CENPK: variants seen among roughly 807,000 people sequenced by gnomAD.
CENPK encodes centromere protein K.
A neutral mutation model predicts 40.9 loss-of-function variants in CENPK; 46 were observed. That is an observed-to-expected ratio of 1.13 (90% confidence interval 0.89 to 1.44). CENPK has a LOEUF of 1.44. Among genes scored for constraint, CENPK ranks in the 40% most tolerant of loss-of-function variants. The pLI is 0.00. For synonymous variants in CENPK, 107 were observed against 104.4 expected (o/e 1.02, Z -0.15); for missense variants, 288 against 303.5 (o/e 0.95, Z 0.38).
chr5:65,528,288 T>G (rs1561631476), intron 9 of CENPK, among the ~76,000 whole-genome samples, 164 bp downstream of exon 9: 1 of 151,318 alleles, frequency 6.6e-6, no homozygotes, highest in East Asian at 1.9e-4. Flanking sequence ...TCCCATTTTA[T>G]TGAATAATTA....
In CENPK at chr5:65,518,699, T is replaced by C; in HGVS notation, c.652-66A>G. On this transcript the variant is annotated intron_variant, in intron 10 of 10. Transcript: ENST00000396679. ...AAAGTCAATATAGCTATAAGAAAGT[T>C]TTTTGTCAAAGAATATTGACCTCTT... The C allele has an allele frequency of 2.9e-6, 3 of 1,038,456 alleles. No homozygotes were observed. The Admixed American group carries it at 7.7e-5, about 27-fold the overall frequency. 64.3% of individuals were successfully genotyped at this position (1,038,456 alleles called of 1,614,324 possible). A position where few individuals can be genotyped will look rare whatever the true frequency, so the allele number is the denominator to read the frequency against.
At chr5:65,535,299 T>C (rs934517554) in intron 6 of CENPK, among the ~76,000 whole-genome samples, 2 of 152,104 alleles carry the variant, frequency 1.3e-5, no homozygotes, top group Non-Finnish European at 2.9e-5. Flanking sequence ...TCAGCAGACC[T>C]AGACTGCAAA....
At chr5:65,512,135 T>A in the CENPK span, among the ~76,000 whole-genome samples, 3 of 152,186 alleles carry the variant, frequency 2.0e-5, no homozygotes, top group Non-Finnish European at 4.4e-5. Context: ...TACAATCTCA[T>A]GATACAACTT....
the CENPK span, among the ~76,000 whole-genome samples, chr5:65,509,099 A>G: frequency 6.6e-6 from 1 of 152,190 alleles, no homozygotes; most frequent in African/African-American, 2.4e-5. Context: ...AAAGAATTCC[A>G]TTTGATACAC....
At chr5:65,552,838 TA>T (rs1561689417) in intron 3 of CENPK, among the ~76,000 whole-genome samples, 2 of 148,090 alleles carry the variant, frequency 1.4e-5, no homozygotes, top group African/African-American at 4.9e-5. Context: ...AAGTGGGAGA[TA>T]AAAAAATAAG....
intron 2 of CENPK, 103 bp from the exon 3 acceptor site, chr5:65,555,049 C>T: frequency 4.8e-6 from 3 of 622,286 alleles, no homozygotes; most frequent in South Asian, 4.1e-5. Context: ...ACAAAATAGA[C>T]AAAAATCCCT....
At chr5:65,502,782 T>A in the CENPK span, among the ~76,000 whole-genome samples, 2 of 151,742 alleles carry the variant, frequency 1.3e-5, no homozygotes, top group Non-Finnish European at 2.9e-5. Flanking sequence ...TTCTAACCAA[T>A]ATAAATTTTT....
At chr5:65,527,788 AT>A (rs1411586068) in intron 9 of CENPK, among the ~76,000 whole-genome samples, 1 of 152,034 alleles carries the variant, frequency 6.6e-6, no homozygotes, top group East Asian at 1.9e-4. Flanking sequence ...AGCACTATCA[AT>A]TTTTAAACAT....
chr5:65,562,818 G>A (rs750165657), intron 1 of CENPK: 71 of 153,696 alleles, frequency 4.6e-4, no homozygotes, highest in Non-Finnish European at 8.3e-4. Context: ...TCTTCAGAGA[G>A]TGTGTGAGAG....
downstream of CENPK, chr5:65,517,641 T>C (rs1742975033): frequency 6.6e-6 from 1 of 152,188 alleles, no homozygotes; most frequent in East Asian, 1.9e-4. Flanking sequence ...AAACTAATGA[T>C]ACTAAATGGA....
downstream of CENPK, among the ~76,000 whole-genome samples, chr5:65,515,290 G>C (rs371884997): frequency 2.8e-4 from 40 of 143,300 alleles, no homozygotes; most frequent in African/African-American, 1.0e-3. Context: ...TGCAAGCTCC[G>C]CCTCCCGGGT....
chr5:65,550,174 C>CAAAAAA (rs56732964), intron 5 of CENPK, among the ~76,000 whole-genome samples: 3 of 59,500 alleles, frequency 5.0e-5, no homozygotes, highest in Non-Finnish European at 9.9e-5. Flanking sequence ...GACTCCATCT[C>CAAAAAA]AAAAAAAAAA....
intron 2 of CENPK, among the ~76,000 whole-genome samples, chr5:65,558,029 G>A (rs914949610): frequency 2.0e-5 from 3 of 152,050 alleles, no homozygotes; most frequent in East Asian, 1.9e-4. Context: ...ACTTGAGCCC[G>A]GTGAACCCAG....
chr5:65,561,946 A>G (rs1202213838), intron 1 of CENPK, among the ~76,000 whole-genome samples: 1 of 151,948 alleles, frequency 6.6e-6, no homozygotes, highest in Non-Finnish European at 1.5e-5. Flanking sequence ...TTGTACTTGT[A>G]GAGCTTCCAT....
chr5:65,551,422 A>G, intron 5 of CENPK, 142 bp downstream of exon 5: 1 of 547,796 alleles, frequency 1.8e-6, no homozygotes, highest in South Asian at 2.8e-5. Flanking sequence ...TAATTCACAG[A>G]AAAAAAGTGG....
chr5:65,548,848 T>C (rs533404714), intron 5 of CENPK, among the ~76,000 whole-genome samples: 1 of 152,324 alleles, frequency 6.6e-6, no homozygotes, highest in South Asian at 2.1e-4. Flanking sequence ...CATTTGTAGT[T>C]ACTTGAACCC....
chr5:65,501,462 AG>A, the CENPK span, among the ~76,000 whole-genome samples: 1 of 151,846 alleles, frequency 6.6e-6, no homozygotes, highest in Non-Finnish European at 1.5e-5. Flanking sequence ...TATAGGCAGG[AG>A]CCACTGCTCC....
intron 6 of CENPK, chr5:65,541,521 C>T (rs568913791): frequency 8.3e-5 from 37 of 445,730 alleles, no homozygotes; most frequent in African/African-American, 7.4e-4. Context: ...GTGACGGAGA[C>T]TAGGAAAAAC....
chr5:65,500,969 C>G, the CENPK span, among the ~76,000 whole-genome samples: 2 of 151,486 alleles, frequency 1.3e-5, no homozygotes, highest in African/African-American at 2.4e-5. Flanking sequence ...GGTGCCTGGC[C>G]ATATCTATTG....
Sources: allele counts gnomAD v4.1 joint callset (sites outside exome capture counted in the v4.1 genomes callset), GRCh38; gene constraint gnomAD v4.1.1; transcripts MANE v1.5; gene names NCBI Gene and HGNC (gene_info 2026-07-23, HGNC 2026-07-21).